The following DYNC2H1 variants were observed in gnomAD, a reference collection of about 807,000 sequenced individuals.
DYNC2H1 encodes the protein cytoplasmic dynein 2 heavy chain 1.
In DYNC2H1, 410 loss-of-function variants were observed where a neutral mutation model predicts 570.0. That is an observed-to-expected ratio of 0.72 (90% CI 0.66 to 0.78). The LOEUF is 0.78. DYNC2H1 is among the 30% of genes least tolerant of loss of function. The pLI, the probability that DYNC2H1 is intolerant of heterozygous loss-of-function variation, is 0.00. For synonymous variants in DYNC2H1, 1,688 were observed against 1,677.6 expected, an observed-to-expected ratio of 1.01 and a Z score of -0.15; for missense variants, 4,865 against 5,046.4, an observed-to-expected ratio of 0.96 and a Z score of 1.09.
At chr11:103,362,215 C>T (rs755873042) in intron 83 of DYNC2H1, among the ~76,000 whole-genome samples, 1 of 150,936 alleles carries the variant, frequency 6.6e-6, no homozygotes, top group Non-Finnish European at 1.5e-5. Context: ...GCTGAAAAAT[C>T]GAAGCTCTTA....
rs548118181 is a variant in DYNC2H1, at chr11:103,109,479, G to A, written c.-96G>A. ...CTCTGCGGTCCCGCGGTCGGGCTACGGGTTTGAGCAAAGCTCCTCTCTTCC... is the reference window on the plus strand; with the variant it reads ...CTCTGCGGTCCCGCGGTCGGGCTACAGGTTTGAGCAAAGCTCCTCTCTTCC... On this transcript the variant is annotated 5_prime_UTR_variant, in exon 1 of 89. Transcript: ENST00000375735. 8.1e-5 allele frequency: 101 copies of A among 1,239,938 alleles called. No individual in the cohort carries two copies. The African/African-American group carries it at 1.4e-3, about 17-fold the overall frequency. 76.8% of individuals were successfully genotyped at this position (1,239,938 alleles called of 1,614,324 possible).
intron 87 of DYNC2H1, among the ~76,000 whole-genome samples, chr11:103,459,845 G>T (rs920056986): frequency 6.6e-6 from 1 of 150,796 alleles, no homozygotes; most frequent in Non-Finnish European, 1.5e-5. Context: ...CCAGCTACTC[G>T]GGAGGCTGAG....
At chr11:103,450,680 T>A (rs551756088) in intron 85 of DYNC2H1, among the ~76,000 whole-genome samples, 57 of 152,326 alleles carry the variant, frequency 3.7e-4, no homozygotes, top group Middle Eastern at 3.4e-3. Flanking sequence ...CATGGCACAT[T>A]GAGAAGAATG....
At chr11:103,290,428 AC>A (rs1221693479) in intron 75 of DYNC2H1, among the ~76,000 whole-genome samples, 8 of 152,178 alleles carry the variant, frequency 5.3e-5, no homozygotes, top group Non-Finnish European at 1.2e-4. Flanking sequence ...ATGTTTATGT[AC>A]CAGATAACTT....
chr11:103,230,274 G>A (rs542090895), intron 59 of DYNC2H1, among the ~76,000 whole-genome samples: 1 of 152,286 alleles, frequency 6.6e-6, no homozygotes, highest in African/African-American at 2.4e-5. Flanking sequence ...GTGAGTTTTA[G>A]AAGTCTGACT....
intron 47 of DYNC2H1, among the ~76,000 whole-genome samples, chr11:103,195,588 A>T (rs1269987526): frequency 6.6e-6 from 1 of 152,168 alleles, no homozygotes; most frequent in Non-Finnish European, 1.5e-5. Context: ...TTCCTACTTT[A>T]GACTTCTTTC....
chr11:103,206,085 A>G (rs61899769), intron 52 of DYNC2H1, among the ~76,000 whole-genome samples: 1,711 of 152,282 alleles, frequency 0.011, 10 homozygotes, highest in Non-Finnish European at 0.02. Flanking sequence ...CAGAGAGAAA[A>G]GGATAGGTTG....
rs761457742 is a variant in DYNC2H1 at position 103,109,539 on chromosome 11, C to T, written c.-36C>T. On this transcript the variant is annotated 5_prime_UTR_variant, in exon 1 of 89. Coordinates refer to ENST00000375735, the MANE Select transcript of DYNC2H1 (RefSeq NM_001377.3). ...CCTCCGGACTGGTTTCTTCTTCCTT[C>T]CCCCTTCCCCCAACTTCCCTCCACC... The T allele has an allele frequency of 1.8e-5, 29 of 1,590,894 alleles. No homozygotes were observed. The highest frequency in any genetic ancestry group is 2.7e-5 in the African/African-American group (2 of 74,548).
At chr11:103,346,710 GA>G (rs2135499102) in intron 82 of DYNC2H1, among the ~76,000 whole-genome samples, 1 of 152,208 alleles carries the variant, frequency 6.6e-6, no homozygotes, top group South Asian at 2.1e-4. Flanking sequence ...CAGTTAAAGG[GA>G]AAGAACTATG....
chr11:103,301,440 T>C (rs1014602793), intron 75 of DYNC2H1, among the ~76,000 whole-genome samples: 20 of 151,988 alleles, frequency 1.3e-4, no homozygotes, highest in African/African-American at 3.4e-4. Flanking sequence ...ATTGAGTTAA[T>C]GAATAAATAA....
At chr11:103,269,949 C>T (rs770240200) in intron 70 of DYNC2H1, among the ~76,000 whole-genome samples, 12 of 151,964 alleles carry the variant, frequency 7.9e-5, no homozygotes, top group Non-Finnish European at 1.3e-4. Context: ...AATCCCAGCA[C>T]TTTGGGAGTC....
At chr11:103,392,023 C>A (rs1282728171) in intron 83 of DYNC2H1, among the ~76,000 whole-genome samples, 1 of 152,234 alleles carries the variant, frequency 6.6e-6, no homozygotes, top group East Asian at 1.9e-4. Flanking sequence ...CTCTTCAAAG[C>A]TGTCAGACAG....
intron 81 of DYNC2H1, among the ~76,000 whole-genome samples, chr11:103,322,645 G>C (rs1380491282): frequency 1.3e-5 from 2 of 152,102 alleles, no homozygotes; most frequent in African/African-American, 2.4e-5. Flanking sequence ...GCATATCACT[G>C]TATAGTTCTA....
At position 103,113,585 on chromosome 11, in the gene DYNC2H1, C is replaced by T. The variant is rs1249901214; in HGVS notation, c.244C>T (p.Arg82Ter). ...KDKVLVFFKL[R>*]PEVITDENLH... is the part of the protein sequence containing the mutation. ...TAAAGTGCTGGTGTTTTTCAAGCTG[C>T]GACCTGAAGTAATTACTGATGAGAA... Residue 82 changes from arginine to a stop codon, truncating the protein, a stop_gained, in exon 2 of 89, where the codon CGA (arginine) becomes TGA (stop). Transcript: ENST00000375735. LOFTEE classifies it high-confidence loss of function. 6.3e-6 allele frequency: 10 copies of T among 1,575,092 alleles called. No individual in the cohort carries two copies. The highest frequency in any genetic ancestry group is 1.4e-5 in the African/African-American group (1 of 72,690).
In DYNC2H1 at chr11:103,325,376, TG is replaced by T. The variant is rs1477696369; in HGVS notation, c.12039+1387del. On this transcript the variant is annotated intron_variant, in intron 82 of 88. Coordinates refer to ENST00000375735, the MANE Select transcript of DYNC2H1 (RefSeq NM_001377.3). This position sits in a 1 kb window ranked among gnomAD's most constrained non-coding sequence, Gnocchi z 4.8. ...TTTAAGTCTTTAATCCATCTTGAGTTGATTTTTGTATATGGTGGAAGGAGTG... is the reference window on the plus strand; with the variant it reads ...TTTAAGTCTTTAATCCATCTTGAGTTATTTTTGTATATGGTGGAAGGAGTG... Among the ~76,000 whole-genome samples the T allele has an allele frequency of 7.2e-5, 11 of 152,228 alleles. No individual in the cohort carries two copies. Among genetic ancestry groups the T allele is most frequent in the African/African-American group, 2.4e-4 (10 of 41,450 alleles).
chr11:103,402,277 G>C (rs1255109891), intron 84 of DYNC2H1: 1 of 152,148 alleles, frequency 6.6e-6, no homozygotes, highest in Non-Finnish European at 1.5e-5. Flanking sequence ...AGCTAGACTA[G>C]AGTGGTAAAA....
chr11:103,143,235 CT>C (rs752036731), intron 17 of DYNC2H1, 32 bp from the exon 18 acceptor site: 24 of 1,603,118 alleles, frequency 1.5e-5, no homozygotes, highest in Non-Finnish European at 6.0e-6. Flanking sequence ...GGTTCTGTGT[CT>C]TTAATAATAC....
At chr11:103,171,113 G>T in intron 34 of DYNC2H1, 45 bp downstream of exon 34, 1 of 1,464,146 alleles carries the variant, frequency 6.8e-7, no homozygotes, top group South Asian at 1.5e-5. Context: ...TATTTTGTAA[G>T]ACTTGATATT....
intron 34 of DYNC2H1, among the ~76,000 whole-genome samples, chr11:103,172,051 CAT>C (rs1861597250): frequency 6.6e-6 from 1 of 152,004 alleles, no homozygotes; most frequent in South Asian, 2.1e-4. Context: ...AAGAAATTAT[CAT>C]GTTATATAAA....
Sources: gnomAD v4.1 joint callset for allele counts (sites outside exome capture counted in the v4.1 genomes callset) on GRCh38, gnomAD v4.1.1 for gene constraint, Gnocchi (gnomAD v3.1) non-coding constraint, MANE v1.5 for transcripts, NCBI Gene and HGNC (gene_info 2026-07-23, HGNC 2026-07-21) for gene names.